Variants in ITIH1 observed in about 807,000 individuals in gnomAD.
ITIH1 encodes inter-alpha-trypsin inhibitor heavy chain 1.
Under a neutral mutation model 104.6 loss-of-function variants are expected in ITIH1, and 94 were observed. That is an observed-to-expected ratio of 0.90 (90% confidence interval 0.76 to 1.07). The LOEUF is 1.07. ITIH1 is among the 50% of genes least tolerant of loss of function. The probability of loss-of-function intolerance (pLI) is 0.00; values close to 1 mark genes in which losing one functional copy is unlikely to be tolerated. For synonymous variants in ITIH1, 455 were observed against 464.4 expected (o/e 0.98, Z 0.26); for missense variants, 1,193 against 1,181.4 (o/e 1.01, Z -0.14).
Position 52,792,039 on chromosome 3 carries a change from T to C in ITIH1, c.*128T>C. The C allele has an allele frequency of 9.1e-7, 1 of 1,098,948 alleles. No homozygotes were observed. The highest frequency in any genetic ancestry group is 1.3e-6 in the Non-Finnish European group (1 of 777,322). The allele number at this position is 1,098,948 out of a possible 1,614,324, so 68.1% of individuals were successfully genotyped here. A position where few individuals can be genotyped will look rare whatever the true frequency, so the allele number is the denominator to read the frequency against. The stretch of plus-strand genomic sequence containing the variant: ...CCTTGTGTCAAAGCACCTCATGCCT[T>C]CCATTAAAGAGAGGCCGTGTCCACC... On this transcript the variant is annotated 3_prime_UTR_variant, in exon 22 of 22. Coordinates refer to ENST00000273283, the MANE Select transcript of ITIH1 (RefSeq NM_002215.4).
intron 20 of ITIH1, 74 bp downstream of exon 20, chr3:52,790,995 C>T (rs1031632760): frequency 1.3e-5 from 19 of 1,460,062 alleles, no homozygotes; most frequent in African/African-American, 1.0e-4. Flanking sequence ...CTGGGGCCAC[C>T]GGTCAGTTCT....
At chr3:52,783,438 G>A in intron 10 of ITIH1, 99 bp downstream of exon 10, 1 of 1,382,368 alleles carries the variant, frequency 7.2e-7, no homozygotes, top group Non-Finnish European at 1.0e-6. Flanking sequence ...ATGCCATCAG[G>A]GGGCAGAAAA....
At chr3:52,790,565 C>A in intron 19 of ITIH1, 184 bp from the exon 20 acceptor site, 1 of 622,580 alleles carries the variant, frequency 1.6e-6, no homozygotes, top group Non-Finnish European at 2.8e-6. Context: ...GGACCTGGCA[C>A]ATTGCAAGGG....
Position 52,778,993 on chromosome 3 carries a change from A to C in ITIH1, c.357A>C (p.Ala119=), listed in dbSNP as rs780509927. The change falls in exon 4 of 22, where the codon GCA becomes GCC. Residue 119 remains alanine, a synonymous_variant. Transcript: ENST00000273283. ...FIGDIKDKVT[A]WKQYRKAAIS... ...GAGACATAAAGGACAAGGTGACTGC[A>C]TGGAAGCAGTACCGGAAAGCAGCTA... 9.3e-6 allele frequency: 15 copies of C among 1,614,058 alleles called. No individual in the cohort carries two copies. In the East Asian group the frequency reaches 3.3e-4, roughly 36 times the overall value.
chr3:52,786,577 C>T (rs1699210270), intron 13 of ITIH1, 143 bp downstream of exon 13: 2 of 875,776 alleles, frequency 2.3e-6, no homozygotes, highest in Admixed American at 5.7e-5. Flanking sequence ...GAGTTAATAT[C>T]AACCAGTCAG....
rs370978509 is a variant in ITIH1 at position 52,780,278 on chromosome 3, G to A, written c.583G>A (p.Asp195Asn). The A allele has an allele frequency of 3.7e-5, 59 of 1,611,768 alleles. No individual in the cohort carries two copies. In the African/African-American group the frequency reaches 7.3e-4, roughly 20 times the overall value. Residue 195 changes from aspartate to asparagine, a missense_variant, in exon 6 of 22, where the codon GAC (aspartate) becomes AAC (asparagine). Asp to Asn is a conservative substitution (Grantham distance 23). Transcript: ENST00000273283. Reference protein sequence around the residue: ...QLVHHFEIDVDIFEPQGISKL... With the variant: ...QLVHHFEIDVNIFEPQGISKL... ...TGCTTCAATGTTGCAGATTGATGTG[G>A]ACATCTTCGAGCCCCAGGGGATCAG...
chr3:52,791,371 T>C, intron 20 of ITIH1, 146 bp from the exon 21 acceptor site: 1 of 616,744 alleles, frequency 1.6e-6, no homozygotes, highest in East Asian at 2.8e-5. Flanking sequence ...AGGTAGCTTT[T>C]CATGCTGGGA....
At chr3:52,786,838 T>TTGAA in intron 13 of ITIH1, 107 bp from the exon 14 acceptor site, 2 of 1,255,038 alleles carry the variant, frequency 1.6e-6, no homozygotes, top group Non-Finnish European at 2.2e-6. Context: ...TACTTATGTG[T>TTGAA]CGAATGAATG....
chr3:52,784,261 A>T, intron 10 of ITIH1, 35 bp from the exon 11 acceptor site: 1 of 1,590,712 alleles, frequency 6.3e-7, no homozygotes. Flanking sequence ...CCTGTGGGCC[A>T]GCATCCCGTC....
At position 52,783,033 on chromosome 3, in the gene ITIH1, G is replaced by C. The variant is rs761961599; in HGVS notation, c.1007G>C (p.Arg336Pro). The change falls in exon 9 of 22, where the codon CGA becomes CCA. Residue 336 changes from arginine to proline, a missense_variant. By Grantham distance (103) the Arg-to-Pro change is moderately radical. Coordinates refer to ENST00000273283, the MANE Select transcript of ITIH1 (RefSeq NM_002215.4). ...DYFDLVLFGT[R>P]VQSWKGSLVQ... is the part of the protein sequence containing the mutation. Reference sequence around the variant, plus strand: ...TTTGACCTGGTTCTTTTTGGGACTCGAGTACAATCGTGGAAGGGCTCGCTG... The same window carrying C: ...TTTGACCTGGTTCTTTTTGGGACTCCAGTACAATCGTGGAAGGGCTCGCTG... The C allele has an allele frequency of 6.2e-7, 1 of 1,614,072 alleles. No individual in the cohort carries two copies. The highest frequency in any genetic ancestry group is 8.5e-7 in the Non-Finnish European group (1 of 1,180,010).
intron 6 of ITIH1, 131 bp from the exon 7 acceptor site, chr3:52,781,809 C>A: frequency 8.8e-7 from 1 of 1,137,500 alleles, no homozygotes; most frequent in Non-Finnish European, 1.3e-6. Flanking sequence ...GAGTGAGTGG[C>A]CCACCGAACT....
intron 1 of ITIH1, 76 bp from the exon 2 acceptor site, chr3:52,777,921 A>C: frequency 6.4e-7 from 1 of 1,568,288 alleles, no homozygotes. Context: ...GCTGTGTTCC[A>C]CTCCCATCCC....
At position 52,788,265 on chromosome 3, in the gene ITIH1, C is replaced by T; in HGVS notation, c.2039C>T (p.Pro680Leu). 1 of 1,612,216 alleles carries T rather than the reference C, an allele frequency of 6.2e-7. No individual in the cohort carries two copies. The highest frequency in any genetic ancestry group is 8.5e-7 in the Non-Finnish European group (1 of 1,179,256). ...GACCCTCACTTCATCATCCACGTGCCCCAGAAAGAGGACACCCTGTGCTTC... is the reference window on the plus strand; with the variant it reads ...GACCCTCACTTCATCATCCACGTGCTCCAGAAAGAGGACACCCTGTGCTTC... ...DTDPHFIIHV[P>L]QKEDTLCFNI... Residue 680 changes from proline (P) to leucine (L), a missense_variant, in exon 18 of 22, where the codon CCC (proline) becomes CTC (leucine). Coordinates refer to ENST00000273283, the MANE Select transcript of ITIH1 (RefSeq NM_002215.4).
Position 52,786,991 on chromosome 3 carries a change from C to T in ITIH1, c.1780C>T (p.Leu594=), listed in dbSNP as rs778122019. The stretch of plus-strand genomic sequence containing the variant: ...GAGGGCCAACCTGTCATCCCAGGCC[C>T]TGCAGATGTCGCTGGACTATGGGTT... The part of the protein sequence containing the change: ...EERANLSSQA[L]QMSLDYGFVT... The change falls in exon 14 of 22, where the codon CTG becomes TTG. Residue 594 remains leucine (L), a synonymous_variant. Coordinates refer to ENST00000273283, the MANE Select transcript of ITIH1 (RefSeq NM_002215.4). 2 of 1,614,162 alleles carry T rather than the reference C, an allele frequency of 1.2e-6. No individual in the cohort carries two copies. Among genetic ancestry groups the T allele is most frequent in the African/African-American group, 1.3e-5 (1 of 75,050 alleles).
chr3:52,791,745 T>C (rs756275998), intron 21 of ITIH1, 37 bp from the exon 22 acceptor site: 1 of 1,607,094 alleles, frequency 6.2e-7, no homozygotes, highest in South Asian at 1.1e-5. Flanking sequence ...GCCCTACTGG[T>C]CCGAAGGGTG....
Position 52,779,903 on chromosome 3 carries a change from G to A in ITIH1, c.573+309G>A, listed in dbSNP as rs769510222. 1.5e-4 allele frequency: 209 copies of A among 1,380,696 alleles called. No homozygotes were observed. The highest frequency in any genetic ancestry group is 3.2e-4 in the East Asian group (11 of 34,914). 85.5% of individuals were successfully genotyped at this position (1,380,696 alleles called of 1,614,324 possible). A position where few individuals can be genotyped will look rare whatever the true frequency, so the allele number is the denominator to read the frequency against. ...GTAATTTTGTAAACTAGAAAGTCCC[G>A]CGCAGCCTGAGGGCCTGGAATTATT... is the stretch of plus-strand genomic sequence containing the variant. On this transcript the variant is annotated intron_variant, in intron 5 of 21. Transcript: ENST00000273283. The surrounding 1 kb of genome is among the most constrained non-coding windows in gnomAD (Gnocchi z 4.4).
intron 20 of ITIH1, among the ~76,000 whole-genome samples, 155 bp downstream of exon 20, chr3:52,791,076 T>C (rs1699344180): frequency 6.6e-6 from 1 of 152,112 alleles, no homozygotes; most frequent in Non-Finnish European, 1.5e-5. Context: ...AGGGGCTGTG[T>C]TGGTGAGGCT....
At chr3:52,791,439 C>T (rs996234650) in intron 20 of ITIH1, 78 bp from the exon 21 acceptor site, 40 of 1,177,106 alleles carry the variant, frequency 3.4e-5, no homozygotes, top group South Asian at 1.2e-4. Context: ...GCTCTAACCC[C>T]GCAGTGAGCA....
intron 3 of ITIH1, chr3:52,778,727 A>G: frequency 1.4e-6 from 2 of 1,404,438 alleles, no homozygotes; most frequent in East Asian, 2.5e-5. Context: ...GTTTCAGGCT[A>G]GAACCCAAGG....
Sources: gnomAD v4.1 joint callset for allele counts (sites outside exome capture counted in the v4.1 genomes callset) on GRCh38, gnomAD v4.1.1 for gene constraint, Gnocchi (gnomAD v3.1) non-coding constraint, MANE v1.5 for transcripts, NCBI Gene and HGNC (gene_info 2026-07-23, HGNC 2026-07-21) for gene names.